Variants in LAMA2 observed in about 807,000 individuals in gnomAD.
LAMA2 encodes laminin subunit alpha 2.
LAMA2 carries 269 observed loss-of-function variants against 364.8 expected under a neutral mutation model. The ratio of observed to expected loss-of-function variants is 0.74; its 90% CI spans 0.67 to 0.82. LAMA2 has a LOEUF of 0.82. LAMA2 is among the 40% of genes least tolerant of loss of function. LAMA2 has a pLI of 0.00. For missense variants in LAMA2, 3,807 were observed against 3,873.2 expected, an observed-to-expected ratio of 0.98 and a Z score of 0.45; for synonymous variants, 1,379 against 1,370.6, an observed-to-expected ratio of 1.01 and a Z score of -0.14.
chr6:129,422,729 G>GACTTTACT (rs1781136956), intron 40 of LAMA2, among the ~76,000 whole-genome samples: 1 of 152,070 alleles, frequency 6.6e-6, no homozygotes. Context: ...CACAAATTCA[G>GACTTTACT]TTCCAGATGA....
intron 29 of LAMA2, among the ~76,000 whole-genome samples, chr6:129,337,955 G>A (rs142211377): frequency 6.6e-6 from 1 of 152,126 alleles, no homozygotes; most frequent in East Asian, 1.9e-4. Context: ...TCAAAAAGAG[G>A]CTCCTGATTT....
chr6:128,937,430 T>A (rs1779893660), intron 1 of LAMA2, among the ~76,000 whole-genome samples: 1 of 150,994 alleles, frequency 6.6e-6, no homozygotes, highest in Non-Finnish European at 1.5e-5. Context: ...CTTTTCTTTA[T>A]TGGGAGATTT....
intron 4 of LAMA2, among the ~76,000 whole-genome samples, chr6:129,119,828 G>A (rs1012588523): frequency 2.0e-5 from 3 of 152,168 alleles, no homozygotes; most frequent in South Asian, 2.1e-4. Flanking sequence ...GATTACAGGC[G>A]TGAGCCACTG....
chr6:128,902,662 G>T (rs1777161167), intron 1 of LAMA2, among the ~76,000 whole-genome samples: 1 of 152,100 alleles, frequency 6.6e-6, no homozygotes, highest in Non-Finnish European at 1.5e-5. Flanking sequence ...GGTGCGCTAC[G>T]CAAAGTGGAG....
At chr6:129,393,535 T>G (rs1309631503) in intron 37 of LAMA2, among the ~76,000 whole-genome samples, 1 of 152,222 alleles carries the variant, frequency 6.6e-6, no homozygotes, top group Non-Finnish European at 1.5e-5. Flanking sequence ...AAGAAGTTCT[T>G]TACAGGGAGT....
intron 1 of LAMA2, among the ~76,000 whole-genome samples, chr6:129,048,493 T>TTTCTTTCTTTCTTTCTTTCC (rs1384475895): frequency 5.8e-5 from 3 of 51,296 alleles, no homozygotes; most frequent in Non-Finnish European, 1.2e-4. Flanking sequence ...TCTTTCTTTC[T>TTTCTTTCTTTCTTTCTTTCC]TTCCTTCCTT....
chr6:129,320,483 T>C, intron 27 of LAMA2, 55 bp from the exon 28 acceptor site: 1 of 982,550 alleles, frequency 1.0e-6, no homozygotes, highest in South Asian at 1.3e-5. Flanking sequence ...GATTGTTTAC[T>C]AGGTGATCTT....
intron 3 of LAMA2, among the ~76,000 whole-genome samples, chr6:129,080,017 T>A (rs9402101): frequency 0.95 from 144,463 of 152,208 alleles, 68,622 homozygotes; most frequent in East Asian, 0.97. Flanking sequence ...TTTTTATAAT[T>A]TAAATGTAAC....
At chr6:129,387,911 G>T (rs1779104521) in intron 35 of LAMA2, among the ~76,000 whole-genome samples, 1 of 152,152 alleles carries the variant, frequency 6.6e-6, no homozygotes, top group African/African-American at 2.4e-5. Context: ...GGGTTGTGGG[G>T]AGAGGAAAAG....
At chr6:128,926,173 GA>G (rs1159243984) in intron 1 of LAMA2, among the ~76,000 whole-genome samples, 1 of 151,982 alleles carries the variant, frequency 6.6e-6, no homozygotes, top group East Asian at 1.9e-4. Context: ...CCTACATGGG[GA>G]GGTAGAGTGT....
Position 129,411,151 on chromosome 6 carries a change from G to C in LAMA2, c.5865+7192G>C, listed in dbSNP as rs78204183. Among the ~76,000 whole-genome samples, 993 of 152,282 alleles carry C rather than the reference G, an allele frequency of 6.5e-3. 8 individuals are homozygous for C. The highest frequency in any genetic ancestry group is 0.011 in the Non-Finnish European group (773 of 68,014). On this transcript the variant is annotated intron_variant, in intron 40 of 64. Transcript: ENST00000421865. Reference sequence around the variant, plus strand: ...AATTTAGGTGCCCATGGCCAGTCAAGTTGACACATACAATTTACAATGACA... The same window carrying C: ...AATTTAGGTGCCCATGGCCAGTCAACTTGACACATACAATTTACAATGACA...
intron 40 of LAMA2, among the ~76,000 whole-genome samples, chr6:129,420,521 A>C (rs1403656129): frequency 6.6e-6 from 1 of 152,186 alleles, no homozygotes. Context: ...CTCTTCTAAA[A>C]TAAATTATTT....
At chr6:129,086,189 T>G (rs528224354) in intron 3 of LAMA2, among the ~76,000 whole-genome samples, 2 of 152,348 alleles carry the variant, frequency 1.3e-5, no homozygotes, top group East Asian at 1.9e-4. Context: ...TTGGTAGAAC[T>G]TCTCATCTAT....
At chr6:129,104,330 A>G (rs1485383012) in intron 4 of LAMA2, among the ~76,000 whole-genome samples, 2 of 152,202 alleles carry the variant, frequency 1.3e-5, no homozygotes, top group Non-Finnish European at 2.9e-5. Context: ...AGGCCCACCC[A>G]TGTAACAAGG....
At chr6:129,263,635 A>G (rs896111701) in intron 15 of LAMA2, among the ~76,000 whole-genome samples, 6 of 148,458 alleles carry the variant, frequency 4.0e-5, no homozygotes, top group Non-Finnish European at 8.9e-5. Flanking sequence ...AGATTTGCAC[A>G]TATGATAAGA....
At chr6:128,994,489 G>A (rs368441320) in intron 1 of LAMA2, among the ~76,000 whole-genome samples, 1 of 152,086 alleles carries the variant, frequency 6.6e-6, no homozygotes, top group African/African-American at 2.4e-5. Flanking sequence ...AGTAATTCTT[G>A]TTCACTTATT....
intron 63 of LAMA2, 88 bp from the exon 64 acceptor site, chr6:129,514,285 C>T (rs1033409773): frequency 4.1e-6 from 4 of 981,182 alleles, no homozygotes; most frequent in Non-Finnish European, 4.8e-6. Flanking sequence ...TGATGTCTTT[C>T]CTAGAGACCT....
At chr6:128,910,259 C>T (rs1483373280) in intron 1 of LAMA2, among the ~76,000 whole-genome samples, 1 of 152,274 alleles carries the variant, frequency 6.6e-6, no homozygotes, top group Admixed American at 6.5e-5. Context: ...TTCTCCCCGT[C>T]ACTTTCAGGT....
intron 47 of LAMA2, among the ~76,000 whole-genome samples, chr6:129,455,259 T>TA (rs979123575): frequency 1.2e-4 from 18 of 151,046 alleles, no homozygotes; most frequent in African/African-American, 3.2e-4. Context: ...AAAAAAGTTA[T>TA]AAAAAAAAAT....
Sources: gnomAD v4.1 joint callset for allele counts (sites outside exome capture counted in the v4.1 genomes callset) on GRCh38, gnomAD v4.1.1 for gene constraint, MANE v1.5 for transcripts, NCBI Gene and HGNC (gene_info 2026-07-23, HGNC 2026-07-21) for gene names.